DNAH11: variants seen among roughly 807,000 people sequenced by gnomAD.
DNAH11 encodes the protein dynein axonemal heavy chain 11.
Under a neutral mutation model 526.0 loss-of-function variants are expected in DNAH11, and 442 were observed. The ratio of observed to expected loss-of-function variants is 0.84; its 90% CI spans 0.78 to 0.91. The LOEUF is 0.91. DNAH11 is among the 40% of genes least tolerant of loss of function. DNAH11 has a pLI of 0.00. For missense variants in DNAH11, 6,989 were observed against 5,448.7 expected, an observed-to-expected ratio of 1.28 and a Z score of -8.90; for synonymous variants, 2,461 against 1,935.9, an observed-to-expected ratio of 1.27 and a Z score of -7.12.
intron 25 of DNAH11, among the ~76,000 whole-genome samples, chr7:21,623,574 A>C (rs989399228): frequency 6.6e-6 from 1 of 152,156 alleles, no homozygotes; most frequent in Non-Finnish European, 1.5e-5. Context: ...CCAAATGTCC[A>C]ACAATGATAG....
intron 14 of DNAH11, 77 bp from the exon 15 acceptor site, chr7:21,599,710 A>G (rs1205828147): frequency 8.8e-7 from 1 of 1,138,402 alleles, no homozygotes; most frequent in African/African-American, 1.6e-5. Flanking sequence ...TCTTTTACAA[A>G]CTATTTAAAC....
Position 21,591,012 on chromosome 7 carries a change from C to G in DNAH11, c.2264C>G (p.Thr755Ser). The change falls in exon 13 of 82, where the codon ACT (threonine) becomes AGT (serine). Residue 755 changes from threonine to serine, a missense_variant. Coordinates refer to ENST00000409508, the MANE Select transcript of DNAH11 (RefSeq NM_001277115.2). ...SALAIFKKRNTILKYIGNLDL... is the reference protein window; with the variant it reads ...SALAIFKKRNSILKYIGNLDL... Reference sequence around the variant, plus strand: ...TTAGCCATCTTCAAGAAAAGGAACACTATTTTAAAGGTTTGTGATTTTTGT... The same window carrying G: ...TTAGCCATCTTCAAGAAAAGGAACAGTATTTTAAAGGTTTGTGATTTTTGT... 1.3e-6 allele frequency: 2 copies of G among 1,506,144 alleles called. No individual in the cohort carries two copies. The highest frequency in any genetic ancestry group is 1.4e-5 in the South Asian group (1 of 69,146). 93.3% of individuals were successfully genotyped at this position (1,506,144 alleles called of 1,614,324 possible).
intron 76 of DNAH11, among the ~76,000 whole-genome samples, chr7:21,892,028 A>G (rs1300824428): frequency 6.6e-6 from 1 of 152,204 alleles, no homozygotes; most frequent in East Asian, 1.9e-4. Flanking sequence ...GATTAAAATC[A>G]AATGTCTACC....
intron 35 of DNAH11, among the ~76,000 whole-genome samples, chr7:21,694,115 A>G (rs1250237580): frequency 6.6e-6 from 1 of 152,196 alleles, no homozygotes; most frequent in African/African-American, 2.4e-5. Flanking sequence ...ACAATTCAAC[A>G]TGAGATTTGG....
intron 66 of DNAH11, among the ~76,000 whole-genome samples, chr7:21,850,925 G>C (rs913152759): frequency 1.3e-5 from 2 of 152,064 alleles, no homozygotes; most frequent in African/African-American, 4.8e-5. Context: ...TCAATGTGTT[G>C]GTAAGGTATT....
intron 58 of DNAH11, among the ~76,000 whole-genome samples, chr7:21,785,725 T>G (rs1788144421): frequency 6.6e-6 from 1 of 152,194 alleles, no homozygotes; most frequent in Non-Finnish European, 1.5e-5. Flanking sequence ...AGAATCTTGG[T>G]TAGCCAGCTC....
chr7:21,669,705 C>T (rs1782566950), intron 30 of DNAH11, among the ~76,000 whole-genome samples: 1 of 151,096 alleles, frequency 6.6e-6, no homozygotes, highest in Non-Finnish European at 1.5e-5. Context: ...ATTGCCTGTC[C>T]AAAAGTCATG....
At chr7:21,803,466 A>G (rs1378170899) in intron 62 of DNAH11, among the ~76,000 whole-genome samples, 2 of 152,160 alleles carry the variant, frequency 1.3e-5, no homozygotes, top group African/African-American at 4.8e-5. Flanking sequence ...AAAGGGAACA[A>G]TCTGTATCAG....
At chr7:21,617,218 A>G (rs189146032) in intron 22 of DNAH11, among the ~76,000 whole-genome samples, 6 of 152,360 alleles carry the variant, frequency 3.9e-5, no homozygotes, top group South Asian at 2.1e-4. Flanking sequence ...AAGGTAATCA[A>G]CATTCCAAGG....
rs920149822 is a variant in DNAH11, at chr7:21,764,347, T to TA, written c.8941-1073dup. Among the ~76,000 whole-genome samples, 12 of 152,054 alleles carry TA rather than the reference T, an allele frequency of 7.9e-5. No individual in the cohort carries two copies. In the South Asian group the frequency reaches 8.3e-4, roughly 11 times the overall value. On this transcript the variant is annotated intron_variant, in intron 54 of 81. Transcript: ENST00000409508. ...ACATGGATTTTTTAAATGCTATAGG[T>TA]AAAAAAAATCACATCCTTTGAAAAA...
intron 45 of DNAH11, among the ~76,000 whole-genome samples, chr7:21,733,436 T>G (rs762916417): frequency 6.6e-6 from 1 of 152,178 alleles, no homozygotes; most frequent in Admixed American, 6.5e-5. Flanking sequence ...CAAAAGTGCC[T>G]GCTCCCTCCA....
At chr7:21,779,977 T>G (rs558500949) in intron 57 of DNAH11, among the ~76,000 whole-genome samples, 1 of 152,304 alleles carries the variant, frequency 6.6e-6, no homozygotes, top group South Asian at 2.1e-4. Flanking sequence ...TGAAAATATT[T>G]GAGTTTTTCC....
chr7:21,636,469 T>G (rs1786871275), intron 26 of DNAH11, among the ~76,000 whole-genome samples: 2 of 152,170 alleles, frequency 1.3e-5, no homozygotes, highest in African/African-American at 4.8e-5. Context: ...GCTCGGTGGC[T>G]CACACCTATA....
In DNAH11 at chr7:21,715,572, C is replaced by A. The variant is rs1583621148; in HGVS notation, c.6984-2203C>A. Among the ~76,000 whole-genome samples, 10 of 152,170 alleles carry A rather than the reference C, an allele frequency of 6.6e-5. 1 individual carries two copies. Among genetic ancestry groups the A allele is most frequent in the Admixed American group, 6.5e-4 (10 of 15,284 alleles). The stretch of plus-strand genomic sequence containing the variant: ...CAATTGTATGTAATATAATAGTAGT[C>A]ATGTTCCACATCTATCACATCTTTT... On this transcript the variant is annotated intron_variant, in intron 42 of 81. Transcript: ENST00000409508.
chr7:21,768,356 A>G (rs1787273717), intron 55 of DNAH11, among the ~76,000 whole-genome samples: 1 of 152,252 alleles, frequency 6.6e-6, no homozygotes, highest in African/African-American at 2.4e-5. Flanking sequence ...TGCGGTGTTG[A>G]AAAACAAGTG....
intron 30 of DNAH11, among the ~76,000 whole-genome samples, chr7:21,673,501 A>C (rs1782726655): frequency 6.6e-6 from 1 of 152,046 alleles, no homozygotes; most frequent in Non-Finnish European, 1.5e-5. Context: ...CCCTCCCCCC[A>C]CAGCATCCTC....
At chr7:21,546,864 T>G (rs2128426099) in intron 2 of DNAH11, among the ~76,000 whole-genome samples, 1 of 152,340 alleles carries the variant, frequency 6.6e-6, no homozygotes, top group South Asian at 2.1e-4. Context: ...ATTTTAAAAG[T>G]GTTTCCTCAG....
rs1193790386 is a variant in DNAH11, at chr7:21,901,767, C to CAGTGTCT, written c.*515_*521dup. 1 of 129,492 alleles carries CAGTGTCT rather than the reference C, an allele frequency of 7.7e-6. No homozygotes were observed. The highest frequency in any genetic ancestry group is 2.7e-5 in the African/African-American group (1 of 37,422). 8.0% of individuals were successfully genotyped at this position (129,492 alleles called of 1,614,324 possible). A position where few individuals can be genotyped will look rare whatever the true frequency, so the allele number is the denominator to read the frequency against. ...AGCACTCTGTAAGGCCTCCAGTGTC[C>CAGTGTCT]AGTGTCTACAATGTTGATGGTCCCC... is the stretch of plus-strand genomic sequence containing the variant. On this transcript the variant is annotated 3_prime_UTR_variant, in exon 82 of 82. Coordinates refer to ENST00000409508, the MANE Select transcript of DNAH11 (RefSeq NM_001277115.2).
intron 14 of DNAH11, among the ~76,000 whole-genome samples, chr7:21,596,541 G>A (rs1309889086): frequency 1.3e-5 from 2 of 152,146 alleles, no homozygotes; most frequent in Non-Finnish European, 1.5e-5. Context: ...TCTCATAGAG[G>A]ACAGATGATG....
Sources: gnomAD v4.1 joint callset for allele counts (sites outside exome capture counted in the v4.1 genomes callset) on GRCh38, gnomAD v4.1.1 for gene constraint, MANE v1.5 for transcripts, NCBI Gene and HGNC (gene_info 2026-07-23, HGNC 2026-07-21) for gene names.